KIF6: variants seen among roughly 807,000 people sequenced by gnomAD.
KIF6 encodes the protein kinesin-like protein KIF6.
In KIF6, 106 loss-of-function variants were observed where a neutral mutation model predicts 112.7. The observed-to-expected ratio is 0.94, with a 90% CI of 0.80 to 1.11. The LOEUF is 1.11. Ranked by LOEUF, KIF6 falls within the 50% of genes least tolerant of loss-of-function variation. The pLI is 0.00. For synonymous variants in KIF6, 339 were observed against 339.9 expected (o/e 1.00, Z 0.03); for missense variants, 929 against 964.0 (o/e 0.96, Z 0.48).
chr6:39,461,835 GT>G (rs964893944), intron 13 of KIF6, among the ~76,000 whole-genome samples: 1 of 152,084 alleles, frequency 6.6e-6, no homozygotes. Flanking sequence ...AAGTGTTTAT[GT>G]GTAATACAAA....
intron 19 of KIF6, among the ~76,000 whole-genome samples, chr6:39,351,095 A>G (rs1764208411): frequency 6.7e-6 from 1 of 148,446 alleles, no homozygotes; most frequent in African/African-American, 2.5e-5. Flanking sequence ...GGGGGTGGGG[A>G]CTCTGGGAGC....
chr6:39,514,908 T>A (rs1207902636), intron 13 of KIF6, among the ~76,000 whole-genome samples: 1 of 152,198 alleles, frequency 6.6e-6, no homozygotes, highest in African/African-American at 2.4e-5. Context: ...ACCAGCATTG[T>A]TTTCACTGAT....
intron 10 of KIF6, among the ~76,000 whole-genome samples, chr6:39,558,412 G>C (rs999651494): frequency 6.6e-6 from 1 of 152,070 alleles, no homozygotes; most frequent in Non-Finnish European, 1.5e-5. Context: ...TTAAGTGGTA[G>C]AACCCATATA....
chr6:39,668,259 AC>A (rs920014606), intron 3 of KIF6, among the ~76,000 whole-genome samples: 3 of 152,110 alleles, frequency 2.0e-5, no homozygotes, highest in Non-Finnish European at 4.4e-5. Context: ...ATCTAAATAA[AC>A]CTATTTATTT....
At position 39,362,180 on chromosome 6, in the gene KIF6, G is replaced by A. The variant is rs148055400; in HGVS notation, c.1946+254C>T. 4.6e-3 allele frequency among the ~76,000 whole-genome samples: 696 copies of A among 152,254 alleles called. 4 individuals carry two copies. Among genetic ancestry groups the A allele is most frequent in the African/African-American group, 0.015 (607 of 41,542 alleles). On this transcript the variant is annotated intron_variant, in intron 17 of 22. Coordinates refer to ENST00000287152, the MANE Select transcript of KIF6 (RefSeq NM_145027.6). Reference sequence around the variant, plus strand: ...ACCGTGGTCATATTTCTTGGCTCCCGTAGGTGGCAGCAGTGGACAAGCCCA... The same window carrying A: ...ACCGTGGTCATATTTCTTGGCTCCCATAGGTGGCAGCAGTGGACAAGCCCA...
intron 13 of KIF6, among the ~76,000 whole-genome samples, chr6:39,514,524 T>A (rs1776955854): frequency 6.6e-6 from 1 of 152,236 alleles, no homozygotes; most frequent in African/African-American, 2.4e-5. Flanking sequence ...ATTAGTTACA[T>A]ACATACATGT....
At chr6:39,686,250 GCACTACCA>G (rs1376438453) in intron 3 of KIF6, among the ~76,000 whole-genome samples, 1 of 152,110 alleles carries the variant, frequency 6.6e-6, no homozygotes, top group African/African-American at 2.4e-5. Flanking sequence ...TAAACAAAAG[GCACTACCA>G]CATTGATCTT....
intron 3 of KIF6, among the ~76,000 whole-genome samples, chr6:39,640,810 T>C (rs942685390): frequency 1.3e-5 from 2 of 152,180 alleles, no homozygotes; most frequent in Non-Finnish European, 2.9e-5. Context: ...ATTAAACTTA[T>C]GACCACCTTA....
intron 15 of KIF6, among the ~76,000 whole-genome samples, chr6:39,396,062 C>T (rs1768245039): frequency 6.6e-6 from 1 of 152,212 alleles, no homozygotes; most frequent in South Asian, 2.1e-4. Flanking sequence ...TTAAGGCTCA[C>T]TGCTGGACAA....
At chr6:39,700,165 A>T (rs1475256943) in intron 3 of KIF6, among the ~76,000 whole-genome samples, 1 of 152,208 alleles carries the variant, frequency 6.6e-6, no homozygotes, top group Non-Finnish European at 1.5e-5. Flanking sequence ...AATTACACTC[A>T]TTTAATTATT....
At chr6:39,367,607 C>G (rs1234987544) in intron 16 of KIF6, among the ~76,000 whole-genome samples, 1 of 152,192 alleles carries the variant, frequency 6.6e-6, no homozygotes. Flanking sequence ...CGCACAGTCC[C>G]AGGCTGACCT....
chr6:39,568,941 T>C (rs903235289), intron 10 of KIF6, among the ~76,000 whole-genome samples: 3 of 152,156 alleles, frequency 2.0e-5, no homozygotes, highest in African/African-American at 4.8e-5. Flanking sequence ...GACTCTTCTG[T>C]AGGCCTTTCT....
At chr6:39,383,909 G>A (rs1767185659) in intron 16 of KIF6, among the ~76,000 whole-genome samples, 1 of 152,058 alleles carries the variant, frequency 6.6e-6, no homozygotes, top group African/African-American at 2.4e-5. Flanking sequence ...TAATTTTTTT[G>A]TGGCTATTGT....
intron 6 of KIF6, among the ~76,000 whole-genome samples, chr6:39,609,341 A>C (rs1783078525): frequency 6.6e-6 from 1 of 152,182 alleles, no homozygotes. Context: ...GGTCCCCTGC[A>C]AGCAGTTTCA....
At chr6:39,362,595 A>G (rs1581677359) in intron 16 of KIF6, 77 bp from the exon 17 acceptor site, 2 of 1,080,612 alleles carry the variant, frequency 1.9e-6, no homozygotes, top group Non-Finnish European at 2.9e-6. Flanking sequence ...CAGATGACAG[A>G]GTTCAAGGGC....
chr6:39,669,564 A>C (rs1786680873), intron 3 of KIF6, among the ~76,000 whole-genome samples: 1 of 152,192 alleles, frequency 6.6e-6, no homozygotes, highest in African/African-American at 2.4e-5. Flanking sequence ...CCATTCATTC[A>C]TAGCCCGCTA....
chr6:39,713,670 T>C (rs1789679925), intron 3 of KIF6, among the ~76,000 whole-genome samples: 2 of 152,168 alleles, frequency 1.3e-5, no homozygotes, highest in Admixed American at 6.5e-5. Context: ...ATTTCAGAAA[T>C]GTTTGACATC....
At chr6:39,699,366 C>T (rs1322984020) in intron 3 of KIF6, among the ~76,000 whole-genome samples, 1 of 152,094 alleles carries the variant, frequency 6.6e-6, no homozygotes, top group South Asian at 2.1e-4. Context: ...ACAGTGTGAG[C>T]TATCTGGGTA....
chr6:39,687,155 A>T (rs1053712071), intron 3 of KIF6, among the ~76,000 whole-genome samples: 1 of 152,170 alleles, frequency 6.6e-6, no homozygotes, highest in Non-Finnish European at 1.5e-5. Flanking sequence ...GACCGGTTAC[A>T]CCACAGATGA....
Sources: allele counts gnomAD v4.1 joint callset (sites outside exome capture counted in the v4.1 genomes callset), GRCh38; gene constraint gnomAD v4.1.1; transcripts MANE v1.5; gene names NCBI Gene and HGNC (gene_info 2026-07-23, HGNC 2026-07-21).